Variants in IFI16 observed in about 807,000 individuals in gnomAD.
IFI16 encodes the protein interferon gamma inducible protein 16.
IFI16 carries 49 observed loss-of-function variants against 68.4 expected under a neutral mutation model. That is an observed-to-expected ratio of 0.72 (90% CI 0.57 to 0.91). The LOEUF is 0.91. IFI16 is among the 40% of genes least tolerant of loss of function. The probability of loss-of-function intolerance (pLI) is 0.00; values close to 1 mark genes in which losing one functional copy is unlikely to be tolerated. For missense variants in IFI16, 878 were observed against 942.9 expected, an observed-to-expected ratio of 0.93 and a Z score of 0.90; for synonymous variants, 307 against 315.0, an observed-to-expected ratio of 0.97 and a Z score of 0.27.
upstream of IFI16, among the ~76,000 whole-genome samples, chr1:159,005,126 C>A (rs989086172): frequency 6.6e-6 from 1 of 152,182 alleles, no homozygotes; most frequent in African/African-American, 2.4e-5. Flanking sequence ...CCCCGTTTGT[C>A]ATGTGAGGAC....
intron 9 of IFI16, among the ~76,000 whole-genome samples, chr1:159,050,334 C>T (rs1478595229): frequency 6.6e-6 from 1 of 152,198 alleles, no homozygotes; most frequent in East Asian, 1.9e-4. Context: ...GATCACATGT[C>T]TCTCAGATCT....
At chr1:159,001,906 G>A (rs1370705515), upstream of IFI16, among the ~76,000 whole-genome samples, 4 of 152,156 alleles carry the variant, frequency 2.6e-5, no homozygotes, top group Admixed American at 2.0e-4. Flanking sequence ...TCATGTCCCA[G>A]GGGTGTACAC....
At chr1:159,011,202 G>A (rs916779040) in intron 1 of IFI16, among the ~76,000 whole-genome samples, 1 of 152,038 alleles carries the variant, frequency 6.6e-6, no homozygotes, top group Non-Finnish European at 1.5e-5. Flanking sequence ...TGGCCAGCAT[G>A]GCGAAACCCT....
upstream of IFI16, among the ~76,000 whole-genome samples, chr1:159,002,838 C>A (rs749667737): frequency 3.0e-4 from 45 of 152,192 alleles, 1 homozygote; most frequent in Non-Finnish European, 5.7e-4. Context: ...GGAATCTCTA[C>A]TTCCTAGGCT....
chr1:159,044,039 C>T lies in IFI16; in HGVS notation c.1330-1258C>T, dbSNP rs566797220. Among the ~76,000 whole-genome samples, 10 of 152,208 alleles carry T rather than the reference C, an allele frequency of 6.6e-5. No homozygotes were observed. In the South Asian group the frequency reaches 2.1e-3, roughly 32 times the overall value. On this transcript the variant is annotated intron_variant, in intron 7 of 11. Transcript: ENST00000295809. ...GTTCACCGGAGCAGACATGCAAACC[C>T]CTAATAGATCGTGGAAAAATAATAG...
upstream of IFI16, among the ~76,000 whole-genome samples, chr1:159,006,858 G>T (rs1371424379): frequency 6.6e-6 from 1 of 152,118 alleles, no homozygotes; most frequent in Non-Finnish European, 1.5e-5. Context: ...AAGGCGATAG[G>T]TATTTGCACC....
intron 8 of IFI16, among the ~76,000 whole-genome samples, chr1:159,047,496 A>C (rs1655067558): frequency 6.7e-6 from 1 of 148,914 alleles, no homozygotes; most frequent in Non-Finnish European, 1.5e-5. Flanking sequence ...GTCCATGCAT[A>C]CTGGCTTGGA....
At chr1:159,053,434 C>CT in intron 10 of IFI16, 99 bp from the exon 11 acceptor site, 1 of 786,990 alleles carries the variant, frequency 1.3e-6, no homozygotes, top group South Asian at 1.8e-5. Flanking sequence ...TCTGTTTACT[C>CT]TATCAAAGAC....
chr1:159,042,414 C>T (rs1049104680), intron 7 of IFI16, among the ~76,000 whole-genome samples: 7 of 152,172 alleles, frequency 4.6e-5, no homozygotes, highest in Admixed American at 1.3e-4. Flanking sequence ...TGTTCATCCT[C>T]TATATTCCAG....
chr1:159,051,999 A>G lies in IFI16; in HGVS notation c.1986A>G (p.Pro662=). ...DVNADRNMEI[P]KGLIRSASVT... ...ATGCTGACCGAAACATGGAGATCCC[A>G]AAAGGATTGATTAGAAGTGCCAGCG... is the stretch of plus-strand genomic sequence containing the variant. The change falls in exon 10 of 12, where the codon CCA becomes CCG. Residue 662 remains proline (P), a synonymous_variant. Transcript: ENST00000295809. The G allele has an allele frequency of 6.2e-7, 1 of 1,614,096 alleles. No homozygotes were observed. The highest frequency in any genetic ancestry group is 8.5e-7 in the Non-Finnish European group (1 of 1,179,944).
rs1430953368 is a variant in IFI16, at chr1:159,032,786, A to G, written c.1329+95A>G. 2.5e-5 allele frequency: 24 copies of G among 972,286 alleles called. No individual in the cohort carries two copies. In the Admixed American group the frequency reaches 9.2e-4, roughly 37 times the overall value. The allele number at this position is 972,286 out of a possible 1,614,324, so 60.2% of individuals were successfully genotyped here. On this transcript the variant is annotated intron_variant, in intron 7 of 11. Coordinates refer to ENST00000295809, the MANE Select transcript of IFI16 (RefSeq NM_001376587.1). Reference sequence around the variant, plus strand: ...AGAGCTACTGCTGTAATCTCTGTGAATGGATTGGTACAATCTTGGTATGAA... The same window carrying G: ...AGAGCTACTGCTGTAATCTCTGTGAGTGGATTGGTACAATCTTGGTATGAA...
exon 1 of IFI16, chr1:159,000,008 C>G (rs761414994): frequency 6.5e-6 from 1 of 153,672 alleles, no homozygotes; most frequent in African/African-American, 2.4e-5. Context: ...AAAGGAAAGA[C>G]CAAGTCTTGA....
chr1:159,006,108 T>A (rs551226394), upstream of IFI16: 2 of 152,404 alleles, frequency 1.3e-5, no homozygotes, highest in East Asian at 3.9e-4. Flanking sequence ...TTCTTTGGTC[T>A]GAGCTTGCCT....
intron 2 of IFI16, 171 bp from the exon 3 acceptor site, chr1:159,015,701 G>A: frequency 3.4e-6 from 2 of 581,506 alleles, no homozygotes; most frequent in Non-Finnish European, 6.2e-6. Context: ...GTGACTGCTG[G>A]TCTCCTTAAG....
intron 6 of IFI16, among the ~76,000 whole-genome samples, chr1:159,025,646 C>G (rs1646375164): frequency 6.6e-6 from 1 of 152,132 alleles, no homozygotes; most frequent in African/African-American, 2.4e-5. Context: ...CTGATTATTT[C>G]CCTTGCTACG....
chr1:159,045,145 A>G, intron 7 of IFI16, 152 bp from the exon 8 acceptor site: 1 of 561,578 alleles, frequency 1.8e-6, no homozygotes, highest in Non-Finnish European at 3.2e-6. Context: ...GTATCTGAAT[A>G]TGTGGTATTA....
intron 7 of IFI16, among the ~76,000 whole-genome samples, chr1:159,034,466 T>C (rs1239440600): frequency 1.3e-5 from 2 of 152,184 alleles, no homozygotes; most frequent in Non-Finnish European, 1.5e-5. Flanking sequence ...TACAAGAATA[T>C]GTTCATTATC....
chr1:159,042,471 T>G (rs184408981), intron 7 of IFI16, among the ~76,000 whole-genome samples: 4 of 152,214 alleles, frequency 2.6e-5, no homozygotes, highest in South Asian at 4.2e-4. Flanking sequence ...TACATCAGAG[T>G]TCAGTTTCCG....
Position 159,052,036 on chromosome 1 carries a change from A to G in IFI16, c.2023A>G (p.Ile675Val). 2 of 1,613,988 alleles carry G rather than the reference A, an allele frequency of 1.2e-6. No individual in the cohort carries two copies. The highest frequency in any genetic ancestry group is 1.7e-6 in the Non-Finnish European group (2 of 1,179,950). Residue 675 changes from isoleucine to valine, a missense_variant, in exon 10 of 12, where the codon ATC becomes GTC. Around this residue, in one of 4 missense-constraint regions of IFI16, gnomAD observed 311 missense variants for 305.1 expected, o/e 1.02. Coordinates refer to ENST00000295809, the MANE Select transcript of IFI16 (RefSeq NM_001376587.1). ...TAGAAGTGCCAGCGTAACTCCTAAA[A>G]TCAATCAGCTTTGCTCACAAACTAA... ...LIRSASVTPK[I>V]NQLCSQTKGS...
Sources: allele counts gnomAD v4.1 joint callset (sites outside exome capture counted in the v4.1 genomes callset), GRCh38; gene constraint gnomAD v4.1.1; regional missense constraint gnomAD v4.1.1; transcripts MANE v1.5; gene names NCBI Gene and HGNC (gene_info 2026-07-23, HGNC 2026-07-21).